The following XKR9 variants were observed in gnomAD, a reference collection of about 807,000 sequenced individuals.
The protein encoded by XKR9 is XK-related protein 9.
Under a neutral mutation model 32.0 loss-of-function variants are expected in XKR9, and 32 were observed. The observed-to-expected ratio is 1.00, with a 90% confidence interval of 0.76 to 1.34. XKR9 has a LOEUF of 1.34. Ranked by LOEUF, XKR9 falls within the 40% of genes most tolerant of loss-of-function variation. The pLI is 0.00. For synonymous variants in XKR9, 168 were observed against 143.4 expected (o/e 1.17, Z -1.22); for missense variants, 546 against 429.7 (o/e 1.27, Z -2.39).
the XKR9 span, among the ~76,000 whole-genome samples, chr8:70,898,146 C>T: frequency 6.6e-6 from 1 of 152,116 alleles, no homozygotes; most frequent in South Asian, 2.1e-4. Flanking sequence ...CCAGTTTTCC[C>T]AGCAGTATTT....
chr8:70,699,339 T>A (rs1805422302), intron 3 of XKR9, among the ~76,000 whole-genome samples: 2 of 152,180 alleles, frequency 1.3e-5, no homozygotes, highest in Admixed American at 1.3e-4. Context: ...CCTTTCCATG[T>A]TTAGTGCTTC....
chr8:70,755,324 G>A (rs939947394), intron 2 of XKR9, among the ~76,000 whole-genome samples: 97 of 152,184 alleles, frequency 6.4e-4, no homozygotes, highest in Non-Finnish European at 1.3e-3. Flanking sequence ...CTGTAAACTA[G>A]TTCAACCATT....
the XKR9 span, among the ~76,000 whole-genome samples, chr8:70,862,932 C>G: frequency 6.6e-6 from 1 of 152,014 alleles, no homozygotes; most frequent in Non-Finnish European, 1.5e-5. Flanking sequence ...CTGGAGGACA[C>G]GCAGGAGATA....
Position 70,772,628 on chromosome 8 carries a change from G to T in XKR9, n.353-16711G>T, listed in dbSNP as rs183772278. Among the ~76,000 whole-genome samples the T allele has an allele frequency of 1.2e-4, 18 of 152,222 alleles. No homozygotes were observed. In the East Asian group the frequency reaches 3.5e-3, roughly 29 times the overall value. On this transcript the variant is annotated intron_variant and non_coding_transcript_variant, in intron 2 of 3. Transcript: ENST00000520273. ...GTGTAAGGTTTCATTTTGATGCATT[G>T]TAGTTCTCTTTATTGTGGTATCTTG...
chr8:70,700,450 C>G (rs1805478946), intron 3 of XKR9, among the ~76,000 whole-genome samples: 1 of 152,198 alleles, frequency 6.6e-6, no homozygotes, highest in Non-Finnish European at 1.5e-5. Context: ...AGGTCCACTC[C>G]AGAACCTGTT....
At chr8:71,042,329 G>T in the XKR9 span, among the ~76,000 whole-genome samples, 1 of 152,106 alleles carries the variant, frequency 6.6e-6, no homozygotes, top group Non-Finnish European at 1.5e-5. Context: ...GCCTCTCAGA[G>T]CCCACCTCTC....
the XKR9 span, among the ~76,000 whole-genome samples, chr8:71,006,233 C>T: frequency 2.0e-5 from 3 of 152,244 alleles, no homozygotes; most frequent in Non-Finnish European, 2.9e-5. Flanking sequence ...ACAAGCTTGT[C>T]AAACCTGTGT....
the XKR9 span, among the ~76,000 whole-genome samples, chr8:71,033,033 G>A: frequency 1.3e-5 from 2 of 150,790 alleles, no homozygotes; most frequent in East Asian, 1.9e-4. Context: ...GCAGTGAGCC[G>A]AGATCGTGCC....
chr8:70,739,005 G>T (rs1215166673), downstream of XKR9, among the ~76,000 whole-genome samples: 3 of 152,158 alleles, frequency 2.0e-5, no homozygotes, highest in East Asian at 5.8e-4. Flanking sequence ...GCAGAGCTGA[G>T]TTCAATTCCT....
chr8:70,740,938 C>T (rs1448524400), downstream of XKR9, among the ~76,000 whole-genome samples: 1 of 152,234 alleles, frequency 6.6e-6, no homozygotes, highest in Non-Finnish European at 1.5e-5. Flanking sequence ...CTTGAGGAGG[C>T]AGTCTGCCCG....
At chr8:70,770,463 C>A (rs1348004193) in intron 2 of XKR9, among the ~76,000 whole-genome samples, 1 of 152,240 alleles carries the variant, frequency 6.6e-6, no homozygotes, top group Non-Finnish European at 1.5e-5. Context: ...ATGCTGCTCT[C>A]TTCAGAGCCG....
the XKR9 span, among the ~76,000 whole-genome samples, chr8:70,978,050 A>G: frequency 5.9e-5 from 9 of 152,060 alleles, no homozygotes; most frequent in Non-Finnish European, 1.0e-4. Context: ...AGAGACTAGG[A>G]TTGCAACCCA....
At chr8:70,842,953 GA>G in the XKR9 span, among the ~76,000 whole-genome samples, 1 of 151,240 alleles carries the variant, frequency 6.6e-6, no homozygotes, top group African/African-American at 2.4e-5. Flanking sequence ...AAGGAAAGAA[GA>G]AAAAAAAGAA....
the XKR9 span, among the ~76,000 whole-genome samples, chr8:70,991,458 T>C: frequency 2.0e-5 from 3 of 152,232 alleles, no homozygotes; most frequent in Non-Finnish European, 4.4e-5. Flanking sequence ...TTATAGGCAA[T>C]ATATAGCAAT....
intron 3 of XKR9, among the ~76,000 whole-genome samples, chr8:70,686,861 T>C (rs1475546774): frequency 6.6e-6 from 1 of 152,144 alleles, no homozygotes; most frequent in Non-Finnish European, 1.5e-5. Context: ...ATTTATGGAG[T>C]ACATGTAATG....
chr8:70,774,268 A>T (rs1047886136), intron 2 of XKR9, among the ~76,000 whole-genome samples: 8 of 152,190 alleles, frequency 5.3e-5, no homozygotes, highest in African/African-American at 1.9e-4. Flanking sequence ...CCCTGAAGTG[A>T]TATAATTCAT....
At chr8:70,885,229 T>C in the XKR9 span, among the ~76,000 whole-genome samples, 1 of 152,186 alleles carries the variant, frequency 6.6e-6, no homozygotes, top group Non-Finnish European at 1.5e-5. Flanking sequence ...CTTGACCTTG[T>C]ATGCTGCAAA....
chr8:70,919,217 T>C, the XKR9 span, among the ~76,000 whole-genome samples: 3 of 152,198 alleles, frequency 2.0e-5, no homozygotes, highest in Admixed American at 6.5e-5. Flanking sequence ...TCAGTTTCTT[T>C]ATCTGTTGAA....
At chr8:71,033,365 A>G in the XKR9 span, among the ~76,000 whole-genome samples, 2,547 of 152,308 alleles carry the variant, frequency 0.017, 57 homozygotes, top group African/African-American at 0.058. Flanking sequence ...GAAGGCTTAG[A>G]TAGTCCTAGG....
Sources: gnomAD v4.1 joint callset for allele counts (sites outside exome capture counted in the v4.1 genomes callset) on GRCh38, gnomAD v4.1.1 for gene constraint, MANE v1.5 for transcripts, NCBI Gene and HGNC (gene_info 2026-07-23, HGNC 2026-07-21) for gene names.